The following POR variants were observed in gnomAD, a reference collection of about 807,000 sequenced individuals.
POR encodes NADPH--cytochrome P450 reductase.
Under a neutral mutation model 84.0 loss-of-function variants are expected in POR, and 56 were observed. The observed-to-expected ratio is 0.67, with a 90% CI of 0.54 to 0.83. The LOEUF is 0.83. Among genes scored for constraint, POR ranks in the 40% least tolerant of loss-of-function variants. The probability of loss-of-function intolerance (pLI) is 0.00; values close to 1 mark genes in which losing one functional copy is unlikely to be tolerated. For missense variants in POR, 938 were observed against 944.3 expected, an observed-to-expected ratio of 0.99 and a Z score of 0.09; for synonymous variants, 414 against 400.5, an observed-to-expected ratio of 1.03 and a Z score of -0.40.
At chr7:75,927,908 T>C (rs1225470500) in intron 1 of POR, among the ~76,000 whole-genome samples, 4 of 150,336 alleles carry the variant, frequency 2.7e-5, no homozygotes, top group Non-Finnish European at 5.9e-5. Context: ...TGACCTCAAG[T>C]GATCTTGCCC....
intron 1 of POR, among the ~76,000 whole-genome samples, chr7:75,933,581 G>A (rs528981571): frequency 7.3e-5 from 11 of 151,638 alleles, no homozygotes; most frequent in African/African-American, 2.7e-4. Context: ...GTAGAGATGG[G>A]GGTTTCACCA....
rs185696383 is a variant in POR at position 75,932,237 on chromosome 7, G to T, written c.-5+17058G>T. 7.4e-4 allele frequency among the ~76,000 whole-genome samples: 112 copies of T among 150,698 alleles called. 1 individual carries two copies. The highest frequency in any genetic ancestry group is 1.0e-3 in the Non-Finnish European group (70 of 67,850). On this transcript the variant is annotated intron_variant, in intron 1 of 15. Transcript: ENST00000461988. ...CTCTGTCTGCCCAGGCTGGAGTGCAGTGGTGCAGTCTTGGCTCACTGCAAC... is the reference window on the plus strand; with the variant it reads ...CTCTGTCTGCCCAGGCTGGAGTGCATTGGTGCAGTCTTGGCTCACTGCAAC...
At chr7:75,976,021 C>T (rs748937454) in intron 3 of POR, among the ~76,000 whole-genome samples, 5 of 151,732 alleles carry the variant, frequency 3.3e-5, no homozygotes, top group South Asian at 2.1e-4. Flanking sequence ...TTTTGTGGGT[C>T]GAGACTCCCT....
intron 3 of POR, among the ~76,000 whole-genome samples, chr7:75,976,048 C>T (rs146665518): frequency 6.6e-6 from 1 of 152,080 alleles, no homozygotes; most frequent in Non-Finnish European, 1.5e-5. Flanking sequence ...AATCGGGGTG[C>T]TTTTCCATTG....
chr7:75,948,871 G>A (rs568612467), intron 1 of POR, among the ~76,000 whole-genome samples: 1 of 152,234 alleles, frequency 6.6e-6, no homozygotes, highest in African/African-American at 2.4e-5. Context: ...GGGGTCAGAG[G>A]GTGGGGATTG....
chr7:75,926,784 G>A (rs1807153745), intron 1 of POR, among the ~76,000 whole-genome samples: 1 of 152,084 alleles, frequency 6.6e-6, no homozygotes, highest in African/African-American at 2.4e-5. Context: ...GGCAACAAGA[G>A]CGAAACTCTG....
chr7:75,948,182 G>T (rs1359633642), intron 1 of POR, among the ~76,000 whole-genome samples: 1 of 152,198 alleles, frequency 6.6e-6, no homozygotes, highest in East Asian at 1.9e-4. Context: ...TGCTTACCCC[G>T]TGTGGCCTCA....
intron 2 of POR, among the ~76,000 whole-genome samples, chr7:75,966,854 G>A (rs1263885989): frequency 6.6e-6 from 1 of 152,160 alleles, no homozygotes; most frequent in African/African-American, 2.4e-5. Flanking sequence ...TCCCAATTTA[G>A]GCGTGGAGAG....
At chr7:75,935,056 C>G (rs1424435760) in intron 1 of POR, among the ~76,000 whole-genome samples, 1 of 152,162 alleles carries the variant, frequency 6.6e-6, no homozygotes, top group Non-Finnish European at 1.5e-5. Context: ...GATCCACCAG[C>G]ATCTTACAAC....
chr7:75,979,385 T>TG (rs1224394275), intron 3 of POR, 66 bp from the exon 4 acceptor site: 16 of 1,578,524 alleles, frequency 1.0e-5, no homozygotes, highest in African/African-American at 1.3e-5. Context: ...GCCTGCCCAG[T>TG]GGGTGTTCAC....
In POR at chr7:75,985,189, C is replaced by T. The variant is rs2116625990; in HGVS notation, c.1380C>T (p.Ser460=). 6.3e-7 allele frequency: 1 copy of T among 1,595,664 alleles called. No homozygotes were observed. ...CGCGCCTGCAGGCCCGCTACTACTC[C>T]ATCGCCTCATCCTCCAAGGTGAGGG... Residue 460 remains serine, a synonymous_variant, in exon 12 of 16, where the codon TCC becomes TCT. Transcript: ENST00000461988.
At chr7:75,955,291 T>C (rs1172323704) in intron 2 of POR, among the ~76,000 whole-genome samples, 1 of 152,114 alleles carries the variant, frequency 6.6e-6, no homozygotes, top group African/African-American at 2.4e-5. Context: ...AAAGATGGAT[T>C]AGTTAAAAGA....
chr7:75,939,229 G>T (rs187755131), intron 1 of POR, among the ~76,000 whole-genome samples: 1 of 152,322 alleles, frequency 6.6e-6, no homozygotes, highest in South Asian at 2.1e-4. Context: ...TCGACATGAC[G>T]TTTTTGTACC....
intron 6 of POR, 103 bp downstream of exon 6, chr7:75,981,275 A>G: frequency 2.1e-6 from 3 of 1,431,252 alleles, no homozygotes; most frequent in Non-Finnish European, 2.8e-6. Flanking sequence ...ACTCAGCGAC[A>G]CGCACCTCCA....
chr7:75,939,228 C>T (rs1554551201), intron 1 of POR, among the ~76,000 whole-genome samples: 1 of 152,174 alleles, frequency 6.6e-6, no homozygotes, highest in African/African-American at 2.4e-5. Flanking sequence ...TTCGACATGA[C>T]GTTTTTGTAC....
chr7:75,926,407 T>C (rs1402928108), intron 1 of POR, among the ~76,000 whole-genome samples: 1 of 152,194 alleles, frequency 6.6e-6, no homozygotes, highest in Non-Finnish European at 1.5e-5. Context: ...TCTGTTCCGA[T>C]ACTCCTGGCT....
intron 1 of POR, 41 bp from the exon 2 acceptor site, chr7:75,953,948 G>C (rs1787565021): frequency 6.7e-7 from 1 of 1,493,426 alleles, no homozygotes; most frequent in Non-Finnish European, 9.1e-7. Flanking sequence ...GGGGCACCCT[G>C]CTACCCTCTG....
Position 75,984,811 on chromosome 7 carries a change from T to A in POR, c.1101T>A (p.Pro367=), listed in dbSNP as rs782729580. 28 of 1,612,608 alleles carry A rather than the reference T, an allele frequency of 1.7e-5. No individual in the cohort carries two copies. The South Asian group carries it at 3.1e-4, about 18-fold the overall frequency. ...ACAAGAAGCACCCATTCCCGTGCCC[T>A]ACGTCCTACCGCACGGCCCTCACCT... Residue 367 remains proline, a synonymous_variant, in exon 11 of 16, where the codon CCT becomes CCA. Transcript: ENST00000461988.
At chr7:75,985,384 T>C in intron 12 of POR, 177 bp downstream of exon 12, 4 of 1,132,958 alleles carry the variant, frequency 3.5e-6, no homozygotes, top group Non-Finnish European at 4.8e-6. Flanking sequence ...GCTTGTGAGA[T>C]TCTCAGCATC....
Sources: allele counts gnomAD v4.1 joint callset (sites outside exome capture counted in the v4.1 genomes callset), GRCh38; gene constraint gnomAD v4.1.1; transcripts MANE v1.5; gene names NCBI Gene and HGNC (gene_info 2026-07-23, HGNC 2026-07-21).